Variants in DCDC1 observed in about 807,000 individuals in gnomAD.
DCDC1 encodes doublecortin domain-containing protein 1.
A neutral mutation model predicts 178.3 loss-of-function variants in DCDC1; 200 were observed. The observed-to-expected ratio is 1.12, with a 90% confidence interval of 1.00 to 1.26. The LOEUF is 1.26. DCDC1 is among the 50% of genes most tolerant of loss of function. The pLI is 0.00. For missense variants in DCDC1, 1,983 were observed against 1,749.2 expected, an observed-to-expected ratio of 1.13 and a Z score of -2.38; for synonymous variants, 690 against 604.8, an observed-to-expected ratio of 1.14 and a Z score of -2.07.
At chr11:31,122,636 T>C (rs1027330398) in intron 11 of DCDC1, among the ~76,000 whole-genome samples, 1 of 152,122 alleles carries the variant, frequency 6.6e-6, no homozygotes, top group Non-Finnish European at 1.5e-5. Context: ...TGTATCCACA[T>C]CCATCCTATG....
chr11:30,943,660 A>T (rs1947815674), intron 21 of DCDC1: 2 of 453,016 alleles, frequency 4.4e-6, no homozygotes, highest in South Asian at 1.6e-5. Context: ...AGTTCCTCTA[A>T]TTTTTTCCAG....
intron 21 of DCDC1, among the ~76,000 whole-genome samples, chr11:30,947,645 G>T (rs563622941): frequency 2.0e-5 from 3 of 152,172 alleles, no homozygotes; most frequent in African/African-American, 7.2e-5. Flanking sequence ...TTCAGCACAA[G>T]AATAGTCTGG....
At chr11:31,235,449 T>C (rs1976335146) in intron 9 of DCDC1, among the ~76,000 whole-genome samples, 1 of 151,944 alleles carries the variant, frequency 6.6e-6, no homozygotes, top group South Asian at 2.1e-4. Flanking sequence ...TGTATCCATA[T>C]TAAGTTTACT....
chr11:31,255,795 T>C (rs1944383093), intron 8 of DCDC1, among the ~76,000 whole-genome samples: 1 of 152,216 alleles, frequency 6.6e-6, no homozygotes, highest in Non-Finnish European at 1.5e-5. Context: ...TTCTTGATAA[T>C]GTCCTTTGGT....
chr11:31,294,792 TAAAG>T (rs1435028130), intron 6 of DCDC1, among the ~76,000 whole-genome samples: 2 of 68,030 alleles, frequency 2.9e-5, no homozygotes, highest in African/African-American at 1.2e-4. Context: ...GAAAGAAAAA[TAAAG>T]AAAAAGAAAG....
In DCDC1 at chr11:30,903,550, T is replaced by C; in HGVS notation, c.4442A>G (p.Asp1481Gly). ...WALDESFLQR[D>G]SEKQKQDAAP... ...TGCATCTTGCTTTTGTTTCTCAGAG[T>C]CTCTCTGGAGAAAGGATTCATCTAG... Residue 1481 changes from aspartate (D) to glycine (G), a missense_variant, in exon 32 of 39, where the codon GAC becomes GGC. Coordinates refer to ENST00000684477, the MANE Select transcript of DCDC1 (RefSeq NM_001387274.1). 6.2e-7 allele frequency: 1 copy of C among 1,607,566 alleles called. No individual in the cohort carries two copies. The highest frequency in any genetic ancestry group is 8.5e-7 in the Non-Finnish European group (1 of 1,176,780).
chr11:30,914,745 T>A (rs546424483), intron 27 of DCDC1, among the ~76,000 whole-genome samples: 1 of 152,130 alleles, frequency 6.6e-6, no homozygotes, highest in South Asian at 2.1e-4. Context: ...CCTCAACTTT[T>A]AAAATTTTTA....
At chr11:31,008,095 AAAAGC>A (rs1407335655) in intron 20 of DCDC1, among the ~76,000 whole-genome samples, 1 of 152,210 alleles carries the variant, frequency 6.6e-6, no homozygotes, top group Admixed American at 6.5e-5. Flanking sequence ...TGCAATGGTT[AAAAGC>A]AAAGCAACAT....
chr11:30,999,688 A>T (rs1951463316), intron 20 of DCDC1, among the ~76,000 whole-genome samples: 1 of 152,154 alleles, frequency 6.6e-6, no homozygotes, highest in African/African-American at 2.4e-5. Flanking sequence ...AGTTTGGACA[A>T]TGCGACTCTT....
At chr11:31,158,601 T>C (rs1273936753) in intron 9 of DCDC1, among the ~76,000 whole-genome samples, 2 of 152,226 alleles carry the variant, frequency 1.3e-5, no homozygotes, top group African/African-American at 4.8e-5. Flanking sequence ...ATATCCATTT[T>C]TAATCTTTCT....
At chr11:31,340,206 T>C (rs1224851127) in intron 1 of DCDC1, among the ~76,000 whole-genome samples, 1 of 148,340 alleles carries the variant, frequency 6.7e-6, no homozygotes, top group Non-Finnish European at 1.5e-5. Flanking sequence ...TTAAGTTAAA[T>C]TGCTGGATTT....
intron 9 of DCDC1, among the ~76,000 whole-genome samples, chr11:31,164,127 CATCAAATCCTATAAATATG>C (rs922634590): frequency 6.6e-6 from 1 of 152,096 alleles, no homozygotes; most frequent in African/African-American, 2.4e-5. Context: ...AAGGACAAAT[CATCAAATCCTATAAATATG>C]ATTTGAGGTT....
At chr11:31,173,394 A>C (rs1323065672) in intron 9 of DCDC1, among the ~76,000 whole-genome samples, 1 of 152,240 alleles carries the variant, frequency 6.6e-6, no homozygotes, top group Non-Finnish European at 1.5e-5. Flanking sequence ...AAATGAAAGC[A>C]GATTTTTTTT....
intron 9 of DCDC1, among the ~76,000 whole-genome samples, chr11:31,204,821 C>G (rs897845965): frequency 6.6e-6 from 1 of 152,080 alleles, no homozygotes; most frequent in African/African-American, 2.4e-5. Flanking sequence ...GACTCCATCT[C>G]AAAAACAAAA....
At chr11:31,128,578 A>G (rs559727285) in intron 10 of DCDC1, among the ~76,000 whole-genome samples, 19 of 152,300 alleles carry the variant, frequency 1.2e-4, no homozygotes, top group African/African-American at 3.6e-4. Flanking sequence ...TGATTCTTCA[A>G]ATTAAACAAA....
At chr11:31,338,714 T>G (rs1297052463) in intron 1 of DCDC1, among the ~76,000 whole-genome samples, 1 of 152,172 alleles carries the variant, frequency 6.6e-6, no homozygotes, top group Non-Finnish European at 1.5e-5. Context: ...CAGCCTTCTT[T>G]TCTTCCTTCC....
At chr11:30,865,754 T>G (rs777598409) in intron 38 of DCDC1, among the ~76,000 whole-genome samples, 2 of 147,484 alleles carry the variant, frequency 1.4e-5, no homozygotes, top group Admixed American at 6.8e-5. Context: ...AGGATAATAG[T>G]TTTTTTTTTA....
intron 21 of DCDC1, chr11:30,943,569 C>T (rs2134407569): frequency 7.7e-6 from 3 of 387,982 alleles, no homozygotes; most frequent in South Asian, 2.0e-5. Context: ...TATGAAAATC[C>T]ATTGCTCCTT....
intron 7 of DCDC1, among the ~76,000 whole-genome samples, chr11:31,276,831 G>A (rs1420459827): frequency 3.9e-5 from 6 of 152,018 alleles, no homozygotes; most frequent in Non-Finnish European, 5.9e-5. Context: ...GCTATTTCTC[G>A]TGAATTTGTG....
Sources: gnomAD v4.1 joint callset for allele counts (sites outside exome capture counted in the v4.1 genomes callset) on GRCh38, gnomAD v4.1.1 for gene constraint, MANE v1.5 for transcripts, NCBI Gene and HGNC (gene_info 2026-07-23, HGNC 2026-07-21) for gene names.